ZSCAN5A: variants seen among roughly 807,000 people sequenced by gnomAD.
ZSCAN5A encodes zinc finger and SCAN domain-containing protein 5A.
A neutral mutation model predicts 23.7 loss-of-function variants in ZSCAN5A; 12 were observed. That is an observed-to-expected ratio of 0.51 (90% CI 0.32 to 0.82). The LOEUF (loss-of-function observed/expected upper bound fraction) is 0.82. Ranked by LOEUF, ZSCAN5A falls within the 40% of genes least tolerant of loss-of-function variation. ZSCAN5A has a pLI of 0.03. For synonymous variants in ZSCAN5A, 257 were observed against 239.9 expected (o/e 1.07, Z -0.66); for missense variants, 597 against 617.9 (o/e 0.97, Z 0.36).
chr19:56,275,977 G>A (rs1437857612), intron 2 of ZSCAN5A, among the ~76,000 whole-genome samples: 3 of 152,112 alleles, frequency 2.0e-5, no homozygotes, highest in Non-Finnish European at 4.4e-5. Context: ...TGATCTCCAG[G>A]GACACTTCTA....
intron 2 of ZSCAN5A, chr19:56,244,188 T>G: frequency 1.2e-6 from 2 of 1,611,942 alleles, no homozygotes; most frequent in Non-Finnish European, 1.7e-6. Flanking sequence ...AACTTCAGGA[T>G]GTTCAGCTGC....
intron 2 of ZSCAN5A, among the ~76,000 whole-genome samples, chr19:56,348,757 C>CA (rs2041649877): frequency 1.3e-5 from 2 of 151,926 alleles, no homozygotes; most frequent in South Asian, 4.1e-4. Context: ...TTTTCTTCCA[C>CA]AAAAAAATAG....
chr19:56,229,273 T>C (rs957367854), intron 2 of ZSCAN5A, among the ~76,000 whole-genome samples: 2 of 152,184 alleles, frequency 1.3e-5, no homozygotes, highest in African/African-American at 2.4e-5. Flanking sequence ...TTACACTGAT[T>C]CTGGTTTAAA....
At chr19:56,342,327 C>CT (rs1358999141) in intron 2 of ZSCAN5A, 9 of 149,956 alleles carry the variant, frequency 6.0e-5, no homozygotes, top group South Asian at 2.1e-4. Flanking sequence ...AAACCTCTTT[C>CT]TTTTTTTTGG....
chr19:56,290,163 G>T (rs1176606674), intron 2 of ZSCAN5A, among the ~76,000 whole-genome samples: 1 of 152,186 alleles, frequency 6.6e-6, no homozygotes, highest in East Asian at 1.9e-4. Flanking sequence ...TGGGTCCCAG[G>T]AATCTGTCCT....
chr19:56,311,612 G>GT (rs2041040748), intron 2 of ZSCAN5A, among the ~76,000 whole-genome samples: 1 of 152,160 alleles, frequency 6.6e-6, no homozygotes, highest in Non-Finnish European at 1.5e-5. Context: ...TTAAAGTGGA[G>GT]TTTAAGAAAC....
rs554513776 is a variant in ZSCAN5A, at chr19:56,344,563, G to A, written c.-358+18672C>T. Among the ~76,000 whole-genome samples, 48 of 151,988 alleles carry A rather than the reference G, an allele frequency of 3.2e-4. No homozygotes were observed. The East Asian group carries it at 8.8e-3, about 28-fold the overall frequency. ...CAAGGTGGGCGGATCACCAGGTCAG[G>A]AGATCGAGACCATCCTGGCTAACAC... On this transcript the variant is annotated intron_variant, in intron 2 of 6. Coordinates refer to the ZSCAN5A transcript ENST00000587340.
chr19:56,336,185 A>C (rs1174610093), intron 2 of ZSCAN5A, among the ~76,000 whole-genome samples: 3 of 152,338 alleles, frequency 2.0e-5, no homozygotes, highest in East Asian at 3.9e-4. Flanking sequence ...GTGTTTTCCA[A>C]CTTGGTTCCA....
intron 2 of ZSCAN5A, among the ~76,000 whole-genome samples, chr19:56,225,892 T>C (rs1170158764): frequency 8.6e-6 from 1 of 115,930 alleles, no homozygotes; most frequent in Non-Finnish European, 1.6e-5. Flanking sequence ...CTAATCTACC[T>C]TCTGTCTCTA....
At chr19:56,285,040 G>GT in intron 2 of ZSCAN5A, 1 of 984,626 alleles carries the variant, frequency 1.0e-6, no homozygotes, top group Non-Finnish European at 1.2e-6. Context: ...TGTCAGGATT[G>GT]TATCTTTTAA....
chr19:56,258,743 G>C (rs980040399), intron 2 of ZSCAN5A, among the ~76,000 whole-genome samples: 1 of 152,170 alleles, frequency 6.6e-6, no homozygotes, highest in Admixed American at 6.5e-5. Flanking sequence ...GGTGGAGTTG[G>C]ATTTCCATCC....
chr19:56,329,978 CTT>C (rs1015113674), intron 2 of ZSCAN5A, among the ~76,000 whole-genome samples: 1 of 152,104 alleles, frequency 6.6e-6, no homozygotes, highest in Non-Finnish European at 1.5e-5. Flanking sequence ...GCCCTTGCCT[CTT>C]GTCTTGCTTC....
At chr19:56,292,210 T>C (rs2039556100) in intron 2 of ZSCAN5A, among the ~76,000 whole-genome samples, 1 of 152,244 alleles carries the variant, frequency 6.6e-6, no homozygotes, top group Non-Finnish European at 1.5e-5. Flanking sequence ...GTTTGCCACA[T>C]GTGGGTAACA....
At chr19:56,295,212 A>G (rs2039786259) in intron 2 of ZSCAN5A, 1 of 152,228 alleles carries the variant, frequency 6.6e-6, no homozygotes, top group African/African-American at 2.4e-5. Flanking sequence ...ATTAAAAAAC[A>G]AAGTTCAGAA....
chr19:56,240,507 G>A (rs575987548), intron 2 of ZSCAN5A, among the ~76,000 whole-genome samples: 19 of 152,266 alleles, frequency 1.2e-4, no homozygotes, highest in African/African-American at 3.6e-4. Flanking sequence ...TCCCAGATGC[G>A]AGAAAGTTGG....
intron 2 of ZSCAN5A, among the ~76,000 whole-genome samples, chr19:56,303,629 A>G (rs1174617798): frequency 1.3e-5 from 2 of 152,046 alleles, no homozygotes; most frequent in African/African-American, 4.8e-5. Flanking sequence ...TAGAGGACCC[A>G]TCCTAGATGC....
At chr19:56,230,174 C>T (rs2034332252) in intron 2 of ZSCAN5A, among the ~76,000 whole-genome samples, 2 of 152,164 alleles carry the variant, frequency 1.3e-5, no homozygotes, top group Admixed American at 1.3e-4. Flanking sequence ...GCAACCTCTG[C>T]CTCTTGGGTT....
At chr19:56,319,839 T>C, upstream of ZSCAN5A, 2 of 782,916 alleles carry the variant, frequency 2.6e-6, no homozygotes, top group African/African-American at 1.7e-5. Context: ...TCTTCTGCAG[T>C]TTTCATTAGT....
intron 2 of ZSCAN5A, among the ~76,000 whole-genome samples, chr19:56,273,332 G>A (rs897129001): frequency 3.9e-5 from 6 of 152,160 alleles, no homozygotes; most frequent in East Asian, 1.9e-4. Flanking sequence ...CTTTTGCGAC[G>A]TAAAGACACC....
Sources: allele counts gnomAD v4.1 joint callset (sites outside exome capture counted in the v4.1 genomes callset), GRCh38; gene constraint gnomAD v4.1.1; transcripts MANE v1.5; gene names NCBI Gene and HGNC (gene_info 2026-07-23, HGNC 2026-07-21).